The following CAPN2 variants were observed in gnomAD, a reference collection of about 807,000 sequenced individuals.
CAPN2 encodes calpain 2.
In CAPN2, 92 loss-of-function variants were observed where a neutral mutation model predicts 102.3. The ratio of observed to expected loss-of-function variants is 0.90; its 90% CI spans 0.76 to 1.07. The LOEUF is 1.07. CAPN2 is among the 50% of genes least tolerant of loss of function. CAPN2 has a pLI of 0.00. For missense variants in CAPN2, 800 were observed against 909.4 expected, an observed-to-expected ratio of 0.88 and a Z score of 1.55; for synonymous variants, 340 against 355.4, an observed-to-expected ratio of 0.96 and a Z score of 0.49.
chr1:223,773,986 T>TGG (rs1333882307), intron 20 of CAPN2, among the ~76,000 whole-genome samples: 3 of 152,034 alleles, frequency 2.0e-5, no homozygotes, highest in African/African-American at 7.2e-5. Flanking sequence ...TGAGCCATGA[T>TGG]CTCCCCACTA....
At chr1:223,738,606 G>A (rs1307923802) in intron 2 of CAPN2, among the ~76,000 whole-genome samples, 8 of 152,138 alleles carry the variant, frequency 5.3e-5, no homozygotes, top group Non-Finnish European at 7.3e-5. Context: ...TTGTCCAAGC[G>A]CCTCCAGGCA....
intron 2 of CAPN2, among the ~76,000 whole-genome samples, chr1:223,741,440 GTA>G (rs1553254334): frequency 1.7e-5 from 1 of 59,822 alleles, no homozygotes; most frequent in African/African-American, 1.4e-4. Context: ...TATATAATGT[GTA>G]TATATATATA....
chr1:223,708,257 C>G (rs1659654726), upstream of CAPN2, among the ~76,000 whole-genome samples: 1 of 152,144 alleles, frequency 6.6e-6, no homozygotes, highest in Non-Finnish European at 1.5e-5. Context: ...ACCTGCCCAT[C>G]AGGCAGCATG....
intron 2 of CAPN2, among the ~76,000 whole-genome samples, chr1:223,730,409 TTC>T (rs1660309488): frequency 9.9e-5 from 1 of 10,086 alleles, no homozygotes; most frequent in Non-Finnish European, 6.6e-4. Flanking sequence ...AAGACAATTC[TTC>T]TTCTTCCAGT....
intron 1 of CAPN2, among the ~76,000 whole-genome samples, chr1:223,714,209 T>C (rs1487402158): frequency 3.9e-5 from 6 of 152,210 alleles, no homozygotes; most frequent in Non-Finnish European, 7.3e-5. Flanking sequence ...TATAATCACA[T>C]GTATTTGTTC....
At chr1:223,770,095 C>G (rs1021775965) in intron 17 of CAPN2, 186 bp downstream of exon 17, 2 of 617,964 alleles carry the variant, frequency 3.2e-6, no homozygotes, top group Non-Finnish European at 5.8e-6. Context: ...ACCAGGACTT[C>G]GCAGGTGAAA....
intron 16 of CAPN2, among the ~76,000 whole-genome samples, chr1:223,767,170 T>G (rs563490767): frequency 7.7e-5 from 11 of 142,408 alleles, no homozygotes; most frequent in East Asian, 4.1e-4. Context: ...GATCGTCGTC[T>G]TCTTTATTTA....
chr1:223,705,458 C>G (rs1307933269), intron 1 of CAPN2, among the ~76,000 whole-genome samples: 3 of 151,992 alleles, frequency 2.0e-5, no homozygotes, highest in African/African-American at 7.3e-5. Context: ...CTGGGCAGTT[C>G]TAGAATTTCG....
chr1:223,753,074 TCA>T, intron 9 of CAPN2, 118 bp downstream of exon 9: 1 of 855,050 alleles, frequency 1.2e-6, no homozygotes, highest in East Asian at 2.4e-5. Flanking sequence ...CAGCTCCTGC[TCA>T]CTGGAACCCT....
At position 223,745,354 on chromosome 1, in the gene CAPN2, C is replaced by T. The variant is rs1558069802; in HGVS notation, c.475C>T (p.Pro159Ser). 1 of 1,614,162 alleles carries T rather than the reference C, an allele frequency of 6.2e-7. No homozygotes were observed. Among genetic ancestry groups the T allele is most frequent in the Non-Finnish European group, 8.5e-7 (1 of 1,180,010 alleles). Reference protein sequence around the residue: ...WVEVVVDDRLPTKDGELLFVH... With the variant: ...WVEVVVDDRLSTKDGELLFVH... ...GGAGGTGGTGGTGGATGACAGGCTG[C>T]CCACCAAGGACGGGGAGCTGCTCTT... Residue 159 changes from proline (P) to serine (S), a missense_variant, in exon 4 of 21, where the codon CCC (proline) becomes TCC (serine). Physicochemically the swap from Pro to Ser is moderately conservative, Grantham distance 74 (BLOSUM62 -1). Transcript: ENST00000295006.
At chr1:223,752,276 A>G (rs915391512) in intron 8 of CAPN2, among the ~76,000 whole-genome samples, 2 of 152,216 alleles carry the variant, frequency 1.3e-5, no homozygotes, top group Non-Finnish European at 1.5e-5. Context: ...CATCTTGACA[A>G]TGGGGTTTAT....
intron 13 of CAPN2, 61 bp downstream of exon 13, chr1:223,761,678 C>A: frequency 2.2e-6 from 3 of 1,353,694 alleles, no homozygotes; most frequent in African/African-American, 1.5e-5. Context: ...AGCAGAGGAG[C>A]AAAAAAACTC....
At chr1:223,715,654 G>T (rs991675696) in intron 1 of CAPN2, among the ~76,000 whole-genome samples, 1 of 152,126 alleles carries the variant, frequency 6.6e-6, no homozygotes, top group African/African-American at 2.4e-5. Context: ...ACAGTGAGGA[G>T]AAAGCAGGTG....
chr1:223,741,572 A>C (rs1378779323), intron 2 of CAPN2, among the ~76,000 whole-genome samples: 1 of 151,352 alleles, frequency 6.6e-6, no homozygotes, highest in Non-Finnish European at 1.5e-5. Flanking sequence ...CTCCTGCCTC[A>C]GCCTACCGAA....
In CAPN2 at chr1:223,756,215, A is replaced by T. The variant is rs1163437635; in HGVS notation, c.1305+566A>T. 6.6e-6 allele frequency among the ~76,000 whole-genome samples: 1 copy of T among 152,200 alleles called. No homozygotes were observed. The highest frequency in any genetic ancestry group is 1.5e-5 in the Non-Finnish European group (1 of 68,022). On this transcript the variant is annotated intron_variant, in intron 10 of 20. Coordinates refer to ENST00000295006, the MANE Select transcript of CAPN2 (RefSeq NM_001748.5). The surrounding 1 kb of genome is among the most constrained non-coding windows in gnomAD (Gnocchi z 4.1). ...CACAGCCAGAGGGCAGCCGCATTGC[A>T]GTCTCCTCTCCGCCCTCAGGCTGGG...
At chr1:223,772,007 A>G (rs920735550) in intron 19 of CAPN2, 82 bp downstream of exon 19, 1 of 1,149,636 alleles carries the variant, frequency 8.7e-7, no homozygotes, top group African/African-American at 1.5e-5. Context: ...GAAATCATCT[A>G]AACTAGAGAC....
At position 223,720,232 on chromosome 1, in the gene CAPN2, C is replaced by T. The variant is rs535924736; in HGVS notation, c.307+2401C>T. Among the ~76,000 whole-genome samples, 10 of 151,982 alleles carry T rather than the reference C, an allele frequency of 6.6e-5. No individual in the cohort carries two copies. The South Asian group carries it at 8.3e-4, about 13-fold the overall frequency. On this transcript the variant is annotated intron_variant, in intron 2 of 20. Transcript: ENST00000295006. ...TATTCAGCTATTCTAAAGCCATTCCCGGGTTTCTAACCAGCTACTCCTCAT... is the reference window on the plus strand; with the variant it reads ...TATTCAGCTATTCTAAAGCCATTCCTGGGTTTCTAACCAGCTACTCCTCAT...
chr1:223,713,843 T>C (rs2186006), intron 1 of CAPN2, among the ~76,000 whole-genome samples: 32,729 of 152,172 alleles, frequency 0.22, 4,223 homozygotes, highest in African/African-American at 0.36. Context: ...CTTGGGTTCT[T>C]CTTCTTGCTA....
intron 18 of CAPN2, 32 bp downstream of exon 18, chr1:223,770,557 G>C (rs747013547): frequency 3.6e-6 from 5 of 1,393,474 alleles, no homozygotes; most frequent in Non-Finnish European, 5.1e-6. Flanking sequence ...TTCGTTCCTA[G>C]TTTAATCTGT....
Sources: gnomAD v4.1 joint callset for allele counts (sites outside exome capture counted in the v4.1 genomes callset) on GRCh38, gnomAD v4.1.1 for gene constraint, Gnocchi (gnomAD v3.1) non-coding constraint, MANE v1.5 for transcripts, NCBI Gene and HGNC (gene_info 2026-07-23, HGNC 2026-07-21) for gene names.